Variants in TMEM45B observed in about 807,000 individuals in gnomAD.
TMEM45B encodes the protein transmembrane protein 45B.
In TMEM45B, 29 loss-of-function variants were observed where a neutral mutation model predicts 27.3. The ratio of observed to expected loss-of-function variants is 1.06; its 90% CI spans 0.79 to 1.45. The LOEUF (loss-of-function observed/expected upper bound fraction) is 1.45, where lower values mean the gene tolerates loss of function less well. Among genes scored for constraint, TMEM45B ranks in the 40% most tolerant of loss-of-function variants. The pLI is 0.00. For synonymous variants in TMEM45B, 143 were observed against 134.7 expected, an observed-to-expected ratio of 1.06 and a Z score of -0.43; for missense variants, 348 against 343.9, an observed-to-expected ratio of 1.01 and a Z score of -0.09.
intron 1 of TMEM45B, among the ~76,000 whole-genome samples, chr11:129,817,036 G>A (rs1366219273): frequency 6.6e-6 from 1 of 151,362 alleles, no homozygotes. Context: ...GTGAACCACC[G>A]CGCCCAGCTA....
chr11:129,835,740 G>A (rs1407463307), intron 1 of TMEM45B, among the ~76,000 whole-genome samples: 1 of 152,190 alleles, frequency 6.6e-6, no homozygotes, highest in Non-Finnish European at 1.5e-5. Flanking sequence ...TTAGGGTAGA[G>A]GAATCAGGGT....
chr11:129,835,789 C>T (rs1300181743), intron 1 of TMEM45B, among the ~76,000 whole-genome samples: 4 of 152,188 alleles, frequency 2.6e-5, no homozygotes, highest in Non-Finnish European at 4.4e-5. Flanking sequence ...TGGACCCAGA[C>T]AACAGAACAC....
intron 1 of TMEM45B, among the ~76,000 whole-genome samples, chr11:129,817,017 A>G (rs1323430742): frequency 6.6e-6 from 1 of 151,168 alleles, no homozygotes; most frequent in Non-Finnish European, 1.5e-5. Flanking sequence ...AAGTGCTGGG[A>G]TTACAGGCGT....
intron 1 of TMEM45B, among the ~76,000 whole-genome samples, chr11:129,837,585 C>CCTTTTTTTTTTTTTTTTTTTTTTTTTTT (rs1947636610): frequency 3.7e-5 from 3 of 80,294 alleles, no homozygotes; most frequent in African/African-American, 1.3e-4. Flanking sequence ...CTGCACTGGG[C>CCTTTTTTTTTTTTTTTTTTTTTTTTTTT]TTTTTTTTTT....
chr11:129,819,540 C>G (rs1947393002), intron 1 of TMEM45B, among the ~76,000 whole-genome samples: 2 of 151,548 alleles, frequency 1.3e-5, no homozygotes, highest in African/African-American at 4.9e-5. Context: ...CTTTTCTTTT[C>G]TCTCTTCTTT....
chr11:129,853,423 G>A (rs1947876984), intron 2 of TMEM45B, among the ~76,000 whole-genome samples: 1 of 152,226 alleles, frequency 6.6e-6, no homozygotes, highest in South Asian at 2.1e-4. Flanking sequence ...CGCTTCTCTT[G>A]GAGGAAGCAA....
rs1199881268 is a variant in TMEM45B at position 129,826,567 on chromosome 11, A to AAAAAAAAAGAAAAAT, written c.-9+10670_-9+10671insAAAAAAAGAAAAATA. On this transcript the variant is annotated intron_variant, in intron 1 of 5. Transcript: ENST00000281441. ...CTGTCACAAAAAAAAAAAAAAAAAA[A>AAAAAAAAAGAAAAAT]AGGACCCTGAGAGGCTATGTGTCTT... is the stretch of plus-strand genomic sequence containing the variant. Among the ~76,000 whole-genome samples the AAAAAAAAAGAAAAAT allele has an allele frequency of 2.4e-3, 230 of 96,024 alleles. 18 individuals are homozygous for AAAAAAAAAGAAAAAT. The highest frequency in any genetic ancestry group is 3.4e-3 in the South Asian group (9 of 2,622). The allele number at this position is 96,024 out of a possible 152,430, so 63.0% of individuals were successfully genotyped here.
intron 1 of TMEM45B, among the ~76,000 whole-genome samples, chr11:129,851,543 C>CAAAAAAAAAAAAAAA (rs71057982): frequency 0.01 from 564 of 54,574 alleles, 8 homozygotes; most frequent in Middle Eastern, 0.031. Context: ...AACTCTGCCT[C>CAAAAAAAAAAAAAAA]AAAAAAAAAA....
At chr11:129,852,426 T>G in intron 1 of TMEM45B, 49 bp from the exon 2 acceptor site, 1 of 1,519,386 alleles carries the variant, frequency 6.6e-7, no homozygotes, top group South Asian at 1.2e-5. Context: ...AATATACATT[T>G]GTTTGCTTGC....
intron 1 of TMEM45B, among the ~76,000 whole-genome samples, chr11:129,850,759 G>A (rs1050024417): frequency 9.2e-5 from 14 of 152,148 alleles, no homozygotes; most frequent in African/African-American, 2.9e-4. Flanking sequence ...CTCTAAGAAC[G>A]AGGCTTTCCC....
At chr11:129,844,269 GA>G (rs1261407548) in intron 1 of TMEM45B, among the ~76,000 whole-genome samples, 7 of 152,142 alleles carry the variant, frequency 4.6e-5, no homozygotes, top group African/African-American at 1.7e-4. Flanking sequence ...AAACAGAATA[GA>G]ATACCTGTTA....
intron 1 of TMEM45B, among the ~76,000 whole-genome samples, chr11:129,830,536 A>G (rs1471329836): frequency 2.6e-5 from 4 of 152,234 alleles, no homozygotes; most frequent in Admixed American, 2.0e-4. Flanking sequence ...GACAGCATCA[A>G]GAAAAGACAA....
chr11:129,841,781 A>G (rs879671997), intron 1 of TMEM45B, among the ~76,000 whole-genome samples: 8 of 151,882 alleles, frequency 5.3e-5, no homozygotes, highest in Admixed American at 4.6e-4. Flanking sequence ...TATTTTTAGT[A>G]GAGATGGGGT....
At chr11:129,816,381 G>A (rs1947351398) in intron 1 of TMEM45B, among the ~76,000 whole-genome samples, 1 of 152,110 alleles carries the variant, frequency 6.6e-6, no homozygotes, top group Admixed American at 6.5e-5. Flanking sequence ...CACTGGTACC[G>A]ACTGCCTTTC....
chr11:129,849,012 C>T (rs1435195336), intron 1 of TMEM45B, among the ~76,000 whole-genome samples: 2 of 152,188 alleles, frequency 1.3e-5, no homozygotes, highest in African/African-American at 4.8e-5. Context: ...GGGACCCATT[C>T]ACACCATAGC....
intron 1 of TMEM45B, among the ~76,000 whole-genome samples, chr11:129,846,177 A>C (rs932968781): frequency 6.6e-6 from 1 of 152,206 alleles, no homozygotes; most frequent in Non-Finnish European, 1.5e-5. Context: ...GAATAAAACA[A>C]AAGTGTTAGG....
intron 2 of TMEM45B, 133 bp downstream of exon 2, chr11:129,852,793 A>G: frequency 1.1e-6 from 1 of 899,272 alleles, no homozygotes; most frequent in Non-Finnish European, 1.7e-6. Flanking sequence ...GATGGCCACT[A>G]GACTATTTTA....
At chr11:129,855,491 C>T (rs1412770939) in intron 3 of TMEM45B, among the ~76,000 whole-genome samples, 2 of 152,220 alleles carry the variant, frequency 1.3e-5, no homozygotes, top group African/African-American at 4.8e-5. Flanking sequence ...ACTGACCCCA[C>T]CATGGGTTCC....
intron 1 of TMEM45B, among the ~76,000 whole-genome samples, chr11:129,821,718 G>A (rs1010690107): frequency 5.8e-4 from 88 of 152,088 alleles, no homozygotes; most frequent in African/African-American, 2.0e-3. Context: ...ACTTTCTTAC[G>A]GTGCTGTTGA....
Sources: gnomAD v4.1 joint callset for allele counts (sites outside exome capture counted in the v4.1 genomes callset) on GRCh38, gnomAD v4.1.1 for gene constraint, MANE v1.5 for transcripts, NCBI Gene and HGNC (gene_info 2026-07-23, HGNC 2026-07-21) for gene names.